The following PLCB1 variants were observed in gnomAD, a reference collection of about 807,000 sequenced individuals.
PLCB1 encodes the protein phospholipase C beta 1.
In PLCB1, 46 loss-of-function variants were observed where a neutral mutation model predicts 161.8. That is an observed-to-expected ratio of 0.28 (90% CI 0.22 to 0.36). PLCB1 has a LOEUF of 0.36. Ranked by LOEUF, PLCB1 falls within the 10% of genes least tolerant of loss-of-function variation. The pLI is 1.00. For synonymous variants in PLCB1, 517 were observed against 503.7 expected, an observed-to-expected ratio of 1.03 and a Z score of -0.35; for missense variants, 1,016 against 1,472.5, an observed-to-expected ratio of 0.69 and a Z score of 5.07.
At chr20:8,367,180 A>G (rs1986737300) in intron 2 of PLCB1, among the ~76,000 whole-genome samples, 1 of 152,172 alleles carries the variant, frequency 6.6e-6, no homozygotes, top group Non-Finnish European at 1.5e-5. Flanking sequence ...TTTTTATTTG[A>G]AAGTTCCCAA....
intron 2 of PLCB1, among the ~76,000 whole-genome samples, chr20:8,359,540 T>A (rs1986472316): frequency 6.6e-6 from 1 of 152,190 alleles, no homozygotes; most frequent in Non-Finnish European, 1.5e-5. Context: ...ATTTATTTAT[T>A]TTTAGTAAGG....
intron 4 of PLCB1, among the ~76,000 whole-genome samples, chr20:8,644,746 G>A (rs1989105633): frequency 6.7e-6 from 1 of 150,164 alleles, no homozygotes; most frequent in Non-Finnish European, 1.5e-5. Flanking sequence ...CCGCCCGGGA[G>A]GTGAGGGGCG....
intron 12 of PLCB1, among the ~76,000 whole-genome samples, chr20:8,710,827 T>G (rs1229006825): frequency 6.6e-6 from 1 of 152,144 alleles, no homozygotes; most frequent in Non-Finnish European, 1.5e-5. Context: ...CTATTTAAAT[T>G]AGACAAAATG....
chr20:8,254,617 C>T (rs769858965), intron 2 of PLCB1, among the ~76,000 whole-genome samples: 51 of 151,972 alleles, frequency 3.4e-4, no homozygotes, highest in Non-Finnish European at 6.5e-4. Context: ...ATACAGGCTA[C>T]CAATCTTTGG....
At chr20:8,613,630 T>C (rs1987965037) in intron 3 of PLCB1, among the ~76,000 whole-genome samples, 1 of 152,316 alleles carries the variant, frequency 6.6e-6, no homozygotes, top group East Asian at 1.9e-4. Context: ...AAATTCCCAC[T>C]GAAAAGAAAA....
intron 31 of PLCB1, among the ~76,000 whole-genome samples, chr20:8,849,818 T>C (rs1176650918): frequency 6.6e-6 from 1 of 151,494 alleles, no homozygotes. Flanking sequence ...ATCGAGACCA[T>C]CCTGGCCAAC....
Position 8,790,160 on chromosome 20 carries a change from G to T in PLCB1, c.3337-15G>T. ...TGTTTAGATGAAAGTAATGTTTCTT[G>T]TAACTTTCTTATAGCTAGAAGAAGC... is the stretch of plus-strand genomic sequence containing the variant. On this transcript the variant is annotated splice_polypyrimidine_tract_variant and intron_variant, in intron 30 of 31. Coordinates refer to ENST00000338037, the MANE Select transcript of PLCB1 (RefSeq NM_015192.4). 3.2e-6 allele frequency: 5 copies of T among 1,582,184 alleles called. 1 individual carries two copies. The South Asian group carries it at 3.4e-5, about 11-fold the overall frequency.
chr20:8,801,539 A>G (rs74768970), intron 31 of PLCB1, among the ~76,000 whole-genome samples: 1,992 of 152,298 alleles, frequency 0.013, 16 homozygotes, highest in Non-Finnish European at 0.019. Flanking sequence ...GACATCCAAG[A>G]ACATCGCCTG....
At chr20:8,514,445 CAAAAAAAA>C (rs752609524) in intron 3 of PLCB1, among the ~76,000 whole-genome samples, 1 of 78,528 alleles carries the variant, frequency 1.3e-5, no homozygotes, top group Non-Finnish European at 2.7e-5. Flanking sequence ...ACTCCATCTC[CAAAAAAAA>C]AAAAAAAAAG....
At chr20:8,702,122 G>A (rs998565314) in intron 11 of PLCB1, among the ~76,000 whole-genome samples, 34 of 152,138 alleles carry the variant, frequency 2.2e-4, no homozygotes, top group Non-Finnish European at 4.7e-4. Context: ...TACTGTATGG[G>A]TCAAAATAAA....
chr20:8,676,895 T>C (rs1990092424), intron 9 of PLCB1, among the ~76,000 whole-genome samples: 1 of 152,232 alleles, frequency 6.6e-6, no homozygotes. Flanking sequence ...CACATATCAT[T>C]AATGTCCATA....
At chr20:8,578,450 T>C (rs914306823) in intron 3 of PLCB1, among the ~76,000 whole-genome samples, 4 of 152,170 alleles carry the variant, frequency 2.6e-5, no homozygotes, top group Non-Finnish European at 4.4e-5. Flanking sequence ...AGAAATGGAA[T>C]ATAAAGGATG....
At chr20:8,556,039 G>A (rs577561638) in intron 3 of PLCB1, among the ~76,000 whole-genome samples, 1 of 151,988 alleles carries the variant, frequency 6.6e-6, no homozygotes, top group Admixed American at 6.6e-5. Flanking sequence ...GATGTGTTGG[G>A]AAGCCCATCT....
At chr20:8,145,599 TG>T (rs1348534902) in intron 1 of PLCB1, among the ~76,000 whole-genome samples, 1 of 152,212 alleles carries the variant, frequency 6.6e-6, no homozygotes, top group Non-Finnish European at 1.5e-5. Context: ...GCTGCATATG[TG>T]GATAAAACCA....
At chr20:8,414,697 G>A (rs539132736) in intron 3 of PLCB1, among the ~76,000 whole-genome samples, 36 of 152,188 alleles carry the variant, frequency 2.4e-4, no homozygotes, top group Non-Finnish European at 5.9e-5. Flanking sequence ...TATCTGTGTT[G>A]TCTGTATAGT....
At position 8,660,707 on chromosome 20, in the gene PLCB1, T is replaced by C. The variant is rs139596327; in HGVS notation, c.862+2003T>C. Among the ~76,000 whole-genome samples, 31 of 152,280 alleles carry C rather than the reference T, an allele frequency of 2.0e-4. 1 individual carries two copies. The East Asian group carries it at 5.4e-3, about 27-fold the overall frequency. ...TGTCTCCTAGCATTTGCAAAATTAT[T>C]TAGTGCCATTTTATGAATTTCAAAT... On this transcript the variant is annotated intron_variant, in intron 9 of 31. Transcript: ENST00000338037.
chr20:8,708,796 G>A (rs774706546), intron 12 of PLCB1, 44 bp downstream of exon 12: 2 of 1,102,462 alleles, frequency 1.8e-6, no homozygotes, highest in African/African-American at 3.1e-5. Flanking sequence ...TTCCCGAATA[G>A]GGCATACTGA....
chr20:8,501,626 ATG>A (rs1248947543), intron 3 of PLCB1, among the ~76,000 whole-genome samples: 1 of 152,042 alleles, frequency 6.6e-6, no homozygotes, highest in Non-Finnish European at 1.5e-5. Flanking sequence ...GGGAAGCAAA[ATG>A]TCAGTCTATG....
intron 31 of PLCB1, among the ~76,000 whole-genome samples, chr20:8,829,258 C>T (rs1001900789): frequency 6.6e-6 from 1 of 152,092 alleles, no homozygotes; most frequent in African/African-American, 2.4e-5. Flanking sequence ...AGGAAAAGTC[C>T]GTGACCCCAA....
Sources: gnomAD v4.1 joint callset for allele counts (sites outside exome capture counted in the v4.1 genomes callset) on GRCh38, gnomAD v4.1.1 for gene constraint, MANE v1.5 for transcripts, NCBI Gene and HGNC (gene_info 2026-07-23, HGNC 2026-07-21) for gene names.